MDH1B: variants seen among roughly 807,000 people sequenced by gnomAD.
The protein encoded by MDH1B is putative malate dehydrogenase 1B.
Under a neutral mutation model 61.4 loss-of-function variants are expected in MDH1B, and 60 were observed. That is an observed-to-expected ratio of 0.98 (90% CI 0.79 to 1.21). The LOEUF is 1.21. Ranked by LOEUF, MDH1B falls within the 50% of genes most tolerant of loss-of-function variation. The probability of loss-of-function intolerance (pLI) is 0.00; values close to 1 mark genes in which losing one functional copy is unlikely to be tolerated. For synonymous variants in MDH1B, 236 were observed against 218.7 expected (o/e 1.08, Z -0.70); for missense variants, 587 against 632.1 (o/e 0.93, Z 0.76).
At chr2:206,749,868 T>A (rs1047165510) in intron 6 of MDH1B, among the ~76,000 whole-genome samples, 2 of 152,210 alleles carry the variant, frequency 1.3e-5, no homozygotes, top group African/African-American at 4.8e-5. Flanking sequence ...GCATTTCAGA[T>A]TTCTGATTTT....
At chr2:206,738,556 T>C (rs1455276355) in intron 11 of MDH1B, 45 bp from the exon 12 acceptor site, 4 of 1,406,022 alleles carry the variant, frequency 2.8e-6, no homozygotes, top group Non-Finnish European at 4.0e-6. Context: ...TTCCAAAATA[T>C]GTTAGTAGCA....
intron 6 of MDH1B, 51 bp downstream of exon 6, chr2:206,750,883 A>G (rs1410833750): frequency 1.4e-6 from 2 of 1,429,482 alleles, no homozygotes; most frequent in African/African-American, 1.4e-5. Context: ...TACAACCATT[A>G]AACATTTATT....
intron 2 of MDH1B, among the ~76,000 whole-genome samples, 176 bp downstream of exon 2, chr2:206,760,725 A>G (rs1288441084): frequency 6.6e-6 from 1 of 152,352 alleles, no homozygotes; most frequent in East Asian, 1.9e-4. Flanking sequence ...ATTAGGGAAA[A>G]AACATAAATA....
intron 1 of MDH1B, 48 bp from the exon 2 acceptor site, chr2:206,761,061 A>G (rs775953963): frequency 2.0e-6 from 2 of 999,664 alleles, no homozygotes; most frequent in South Asian, 2.8e-5. Flanking sequence ...TGCAGAAATT[A>G]TTATGTAGTT....
rs372859620 is a variant in MDH1B at position 206,765,245 on chromosome 2, C to T, written c.22+5G>A. 3.4e-5 allele frequency: 54 copies of T among 1,602,364 alleles called. No homozygotes were observed. Among genetic ancestry groups the T allele is most frequent in the Non-Finnish European group, 4.4e-5 (52 of 1,176,288 alleles). On this transcript the variant is annotated splice_donor_5th_base_variant and intron_variant, in intron 1 of 11. Transcript: ENST00000374412. The stretch of plus-strand genomic sequence containing the variant: ...AATCTGCGGGCGGACGCGGGGATCA[C>T]TCACCCGCGATGACGAATTTGGCCA...
chr2:206,741,853 C>T (rs916879634), intron 9 of MDH1B, among the ~76,000 whole-genome samples: 11 of 152,016 alleles, frequency 7.2e-5, no homozygotes, highest in African/African-American at 1.4e-4. Flanking sequence ...TAGTATGATT[C>T]GACCTCCAAA....
At chr2:206,746,769 T>C (rs1028785701) in intron 7 of MDH1B, among the ~76,000 whole-genome samples, 1 of 152,182 alleles carries the variant, frequency 6.6e-6, no homozygotes, top group African/African-American at 2.4e-5. Context: ...CATTTGTCCA[T>C]CTGGCCTTCC....
intron 1 of MDH1B, among the ~76,000 whole-genome samples, chr2:206,762,198 C>T (rs573467671): frequency 5.3e-5 from 8 of 152,286 alleles, no homozygotes; most frequent in African/African-American, 1.9e-4. Flanking sequence ...CCTCTTCCTC[C>T]AAATCTTTTC....
In MDH1B at chr2:206,738,443, G is replaced by A. The variant is rs765251333; in HGVS notation, c.*40C>T. On this transcript the variant is annotated 3_prime_UTR_variant, in exon 12 of 12. Coordinates refer to ENST00000374412, the MANE Select transcript of MDH1B (RefSeq NM_001039845.3). ...CATATAAATTCTTTCTATGTTTATT[G>A]TGCTATCAAGTAATTATATATTTCA... 4 of 1,434,546 alleles carry A rather than the reference G, an allele frequency of 2.8e-6. No homozygotes were observed. In the South Asian group the frequency reaches 5.1e-5, roughly 18 times the overall value. 88.9% of individuals were successfully genotyped at this position (1,434,546 alleles called of 1,614,324 possible). A position where few individuals can be genotyped will look rare whatever the true frequency, so the allele number is the denominator to read the frequency against.
chr2:206,756,934 T>G lies in MDH1B; in HGVS notation c.377A>C (p.Lys126Thr). 1.2e-6 allele frequency: 2 copies of G among 1,614,172 alleles called. No individual in the cohort carries two copies. The highest frequency in any genetic ancestry group is 1.7e-6 in the Non-Finnish European group (2 of 1,180,014). ...GACCTGCAAGGGGTTGATGCAAGTT[T>G]TCAGGGCTTCTTCCTCCTGCTCTTT... ...IEKEQEEEAL[K>T]TCINPLQVWI... Residue 126 changes from lysine (K) to threonine (T), a missense_variant, in exon 4 of 12, where the codon AAA becomes ACA. Lys to Thr is a moderately conservative substitution (Grantham distance 78). Coordinates refer to ENST00000374412, the MANE Select transcript of MDH1B (RefSeq NM_001039845.3).
chr2:206,760,907 A>C lies in MDH1B; in HGVS notation c.129T>G (p.Val43=). 1 of 1,595,942 alleles carries C rather than the reference A, an allele frequency of 6.3e-7. No individual in the cohort carries two copies. The highest frequency in any genetic ancestry group is 8.6e-7 in the Non-Finnish European group (1 of 1,165,020). ...AACTATAAAGGCTTCTTACCTCCCAAACCTCAGGACGTTGTGTGATTTTAT... is the reference window on the plus strand; with the variant it reads ...AACTATAAAGGCTTCTTACCTCCCACACCTCAGGACGTTGTGTGATTTTAT... ...RIHKITQRPE[V]WEDWLKDVCE... is the part of the protein sequence containing the mutation. Residue 43 remains valine (V), a synonymous_variant, in exon 2 of 12, where the codon GTT becomes GTG. Coordinates refer to ENST00000374412, the MANE Select transcript of MDH1B (RefSeq NM_001039845.3).
At chr2:206,738,675 ATAGT>A (rs534169763) in intron 11 of MDH1B, among the ~76,000 whole-genome samples, 164 bp from the exon 12 acceptor site, 3 of 152,334 alleles carry the variant, frequency 2.0e-5, no homozygotes, top group African/African-American at 7.2e-5. Context: ...CCATGAGATC[ATAGT>A]TAGGTATTTT....
At chr2:206,756,436 G>C (rs905558440) in intron 4 of MDH1B, among the ~76,000 whole-genome samples, 1 of 152,046 alleles carries the variant, frequency 6.6e-6, no homozygotes, top group Admixed American at 6.6e-5. Flanking sequence ...GAAAGAGAGA[G>C]AGTATGACAA....
chr2:206,742,324 G>A (rs564942797), intron 9 of MDH1B, among the ~76,000 whole-genome samples: 2 of 152,330 alleles, frequency 1.3e-5, no homozygotes, highest in African/African-American at 4.8e-5. Flanking sequence ...AGAATGGGAT[G>A]CTGCAACTTG....
At chr2:206,739,435 G>C (rs1467021017) in intron 11 of MDH1B, among the ~76,000 whole-genome samples, 158 bp downstream of exon 11, 1 of 151,984 alleles carries the variant, frequency 6.6e-6, no homozygotes, top group East Asian at 1.9e-4. Flanking sequence ...TGGGACGCTG[G>C]GATCCAGGAG....
intron 2 of MDH1B, 29 bp from the exon 3 acceptor site, chr2:206,757,400 T>G (rs1250337133): frequency 6.2e-7 from 1 of 1,601,888 alleles, no homozygotes; most frequent in Non-Finnish European, 8.5e-7. Context: ...AGTGAAGTCA[T>G]ATATTAAATC....
rs368782495 is a variant in MDH1B, at chr2:206,755,250, G to A, written c.669C>T (p.Phe223=). 6.2e-7 allele frequency: 1 copy of A among 1,614,156 alleles called. No individual in the cohort carries two copies. Among genetic ancestry groups the A allele is most frequent in the Non-Finnish European group, 8.5e-7 (1 of 1,180,030 alleles). ...TGCTTCGGAGGCAGTCCTCCAGAGT[G>A]AACACCTCCTTGTTGGTGCTGTCAT... ...VLDDSTNKEV[F]TLEDCLRSRV... Residue 223 remains phenylalanine (F), a synonymous_variant, in exon 5 of 12, where the codon TTC becomes TTT. Transcript: ENST00000374412.
intron 10 of MDH1B, 64 bp from the exon 11 acceptor site, chr2:206,739,725 C>T: frequency 1.4e-6 from 2 of 1,429,554 alleles, no homozygotes; most frequent in Middle Eastern, 2.0e-4. Flanking sequence ...GCAGTTATTT[C>T]CATTTTCTTC....
intron 1 of MDH1B, among the ~76,000 whole-genome samples, chr2:206,764,177 A>G (rs192821901): frequency 6.6e-6 from 1 of 152,208 alleles, no homozygotes; most frequent in East Asian, 1.9e-4. Context: ...GTATGCCTGT[A>G]GTCCCAGCTA....
Sources: gnomAD v4.1 joint callset for allele counts (sites outside exome capture counted in the v4.1 genomes callset) on GRCh38, gnomAD v4.1.1 for gene constraint, MANE v1.5 for transcripts, NCBI Gene and HGNC (gene_info 2026-07-23, HGNC 2026-07-21) for gene names.